Variants in CDC42BPB observed in about 807,000 individuals in gnomAD.
The protein encoded by CDC42BPB is CDC42 binding protein kinase beta, also known as serine/threonine-protein kinase MRCK beta.
A neutral mutation model predicts 214.9 loss-of-function variants in CDC42BPB; 37 were observed. The observed-to-expected ratio is 0.17, with a 90% CI of 0.13 to 0.23. CDC42BPB has a LOEUF of 0.23. Among genes scored for constraint, CDC42BPB ranks in the 10% least tolerant of loss-of-function variants. The pLI is 1.00. For synonymous variants in CDC42BPB, 931 were observed against 884.0 expected, an observed-to-expected ratio of 1.05 and a Z score of -0.94; for missense variants, 1,694 against 2,227.0, an observed-to-expected ratio of 0.76 and a Z score of 4.82.
intron 8 of CDC42BPB, among the ~76,000 whole-genome samples, chr14:102,979,996 G>C (rs1893926634): frequency 6.6e-6 from 1 of 152,168 alleles, no homozygotes; most frequent in African/African-American, 2.4e-5. Flanking sequence ...AAACACCAAT[G>C]CAGACACAAA....
intron 5 of CDC42BPB, among the ~76,000 whole-genome samples, chr14:102,998,355 C>T (rs1483592396): frequency 6.6e-6 from 1 of 152,166 alleles, no homozygotes; most frequent in Admixed American, 6.5e-5. Flanking sequence ...AATAATTTTA[C>T]AAATTTACAA....
chr14:102,974,281 TACACACACACACACACACACACACAC>T (rs71119749), intron 11 of CDC42BPB, 132 bp from the exon 12 acceptor site: 5 of 1,316,052 alleles, frequency 3.8e-6, no homozygotes, highest in Admixed American at 3.5e-5. Flanking sequence ...TTTTTTTACT[TACACACACACACACACACACACACAC>T]ACACACACAC....
Position 102,946,308 on chromosome 14 carries a change from C to T in CDC42BPB, c.3748+160G>A, listed in dbSNP as rs544757339. Among the ~76,000 whole-genome samples, 190 of 152,280 alleles carry T rather than the reference C, an allele frequency of 1.2e-3. 1 individual carries two copies. The highest frequency in any genetic ancestry group is 3.4e-3 in the Middle Eastern group (1 of 294). On this transcript the variant is annotated intron_variant, in intron 28 of 36. Transcript: ENST00000361246. ...AGAGTGCTGGGATTACAGGCGTGAG[C>T]CACCGCACCCGGCCTCGTCTGCTTC...
At chr14:102,963,949 C>T (rs147945726) in intron 19 of CDC42BPB, among the ~76,000 whole-genome samples, 199 of 152,292 alleles carry the variant, frequency 1.3e-3, no homozygotes, top group African/African-American at 4.5e-3. Flanking sequence ...ATGAAACTGA[C>T]GTTCATTATC....
At chr14:103,034,440 G>T (rs182289996) in intron 1 of CDC42BPB, among the ~76,000 whole-genome samples, 2 of 152,304 alleles carry the variant, frequency 1.3e-5, no homozygotes, top group East Asian at 3.9e-4. Context: ...TATAAATGCA[G>T]TATTTTAAGC....
At chr14:102,989,860 AAAAAAAAAAAG>A (rs1449263056) in intron 5 of CDC42BPB, among the ~76,000 whole-genome samples, 5 of 132,144 alleles carry the variant, frequency 3.8e-5, no homozygotes, top group East Asian at 2.0e-4. Flanking sequence ...ACTCTGTTTC[AAAAAAAAAAAG>A]AAAAAAAAAA....
At position 102,986,158 on chromosome 14, in the gene CDC42BPB, C is replaced by T. The variant is rs35103085; in HGVS notation, c.690+329G>A. The T allele has an allele frequency of 1.4e-5, 4 of 280,612 alleles. No individual in the cohort carries two copies. In the East Asian group the frequency reaches 3.6e-4, roughly 25 times the overall value. The allele number at this position is 280,612 out of a possible 1,614,324, so 17.4% of individuals were successfully genotyped here. On this transcript the variant is annotated intron_variant, in intron 6 of 36. Coordinates refer to ENST00000361246, the MANE Select transcript of CDC42BPB (RefSeq NM_006035.4). ...CCACCCGACCAGCCTGGACAGGGCCCTTTAAGGAAGAAGCAGGGAGCGCCC... is the reference window on the plus strand; with the variant it reads ...CCACCCGACCAGCCTGGACAGGGCCTTTTAAGGAAGAAGCAGGGAGCGCCC...
intron 23 of CDC42BPB, among the ~76,000 whole-genome samples, chr14:102,953,763 AG>A (rs1455684674): frequency 1.3e-5 from 2 of 152,264 alleles, no homozygotes; most frequent in African/African-American, 2.4e-5. Flanking sequence ...GATGAGGCTC[AG>A]AACCGCACAT....
intron 1 of CDC42BPB, among the ~76,000 whole-genome samples, chr14:103,024,581 T>C (rs1416914915): frequency 6.6e-6 from 1 of 152,188 alleles, no homozygotes; most frequent in Non-Finnish European, 1.5e-5. Context: ...ACCAAACTCT[T>C]AGGATTAATT....
At chr14:102,962,827 G>A (rs1893022302) in intron 20 of CDC42BPB, among the ~76,000 whole-genome samples, 1 of 152,132 alleles carries the variant, frequency 6.6e-6, no homozygotes, top group Non-Finnish European at 1.5e-5. Flanking sequence ...ACTCCAGCCT[G>A]GGTGACACAG....
chr14:102,950,168 C>A (rs1293030509), intron 25 of CDC42BPB: 10 of 911,358 alleles, frequency 1.1e-5, no homozygotes, highest in Non-Finnish European at 1.3e-5. Flanking sequence ...CCGACAGTCT[C>A]GTAGAGGTGG....
At chr14:102,988,428 C>T (rs953403739) in intron 5 of CDC42BPB, among the ~76,000 whole-genome samples, 7 of 151,578 alleles carry the variant, frequency 4.6e-5, no homozygotes, top group African/African-American at 1.2e-4. Context: ...TATCAATGTC[C>T]TCTTTTTTGA....
intron 21 of CDC42BPB, among the ~76,000 whole-genome samples, chr14:102,956,875 C>T (rs915664489): frequency 7.3e-5 from 11 of 149,954 alleles, no homozygotes; most frequent in African/African-American, 2.5e-4. Context: ...GTGCTTATAT[C>T]ACAATTTATA....
chr14:102,954,472 G>T, intron 22 of CDC42BPB, 130 bp downstream of exon 22: 1 of 1,401,980 alleles, frequency 7.1e-7, no homozygotes. Context: ...AAAATGAAAG[G>T]TGGGCTTGAG....
chr14:103,033,992 T>C (rs1356572780), intron 1 of CDC42BPB, among the ~76,000 whole-genome samples: 2 of 152,228 alleles, frequency 1.3e-5, no homozygotes, highest in African/African-American at 2.4e-5. Context: ...GTACGGATTC[T>C]ACAAAGCTGC....
At chr14:102,959,562 A>G in intron 21 of CDC42BPB, 69 bp downstream of exon 21, 1 of 1,097,858 alleles carries the variant, frequency 9.1e-7, no homozygotes, top group South Asian at 1.4e-5. Context: ...GAGTGGTAAA[A>G]TCATATATGA....
chr14:103,012,389 G>A, intron 1 of CDC42BPB: 1 of 570,328 alleles, frequency 1.8e-6, no homozygotes, highest in Non-Finnish European at 2.2e-6. Context: ...CCACGCACTG[G>A]GTAACACTGT....
intron 30 of CDC42BPB, among the ~76,000 whole-genome samples, chr14:102,942,576 ACT>A (rs1328983542): frequency 6.6e-6 from 1 of 152,094 alleles, no homozygotes; most frequent in African/African-American, 2.4e-5. Flanking sequence ...ACAGGGTCTC[ACT>A]CTGTCTCCCA....
In CDC42BPB at chr14:102,991,787, G is replaced by C. The variant is rs116941315; in HGVS notation, c.597-5207C>G. Among the ~76,000 whole-genome samples, 1,490 of 152,258 alleles carry C rather than the reference G, an allele frequency of 9.8e-3. 15 individuals are homozygous for C. Among genetic ancestry groups the C allele is most frequent in the Non-Finnish European group, 0.015 (1,027 of 68,008 alleles). The stretch of plus-strand genomic sequence containing the variant: ...TATAAGACTGAAATTTTTTAAGTTT[G>C]AAATTATTTGAAACATTATTTAAAA... On this transcript the variant is annotated intron_variant, in intron 5 of 36. Coordinates refer to ENST00000361246, the MANE Select transcript of CDC42BPB (RefSeq NM_006035.4).
Sources: allele counts gnomAD v4.1 joint callset (sites outside exome capture counted in the v4.1 genomes callset), GRCh38; gene constraint gnomAD v4.1.1; transcripts MANE v1.5; gene names NCBI Gene and HGNC (gene_info 2026-07-23, HGNC 2026-07-21).